The following CEP83 variants were observed in gnomAD, a reference collection of about 807,000 sequenced individuals.
CEP83 encodes the protein centrosomal protein of 83 kDa.
In CEP83, 70 loss-of-function variants were observed where a neutral mutation model predicts 101.9. That is an observed-to-expected ratio of 0.69 (90% CI 0.57 to 0.84). The LOEUF (loss-of-function observed/expected upper bound fraction) is 0.84, where lower values mean the gene tolerates loss of function less well. Ranked by LOEUF, CEP83 falls within the 40% of genes least tolerant of loss-of-function variation. CEP83 has a pLI of 0.00. For missense variants in CEP83, 715 were observed against 787.2 expected (o/e 0.91, Z 1.10); for synonymous variants, 264 against 267.9 (o/e 0.99, Z 0.14).
intron 16 of CEP83, 36 bp from the exon 17 acceptor site, chr12:94,308,953 C>CT: frequency 6.8e-7 from 1 of 1,481,244 alleles, no homozygotes; most frequent in Middle Eastern, 1.8e-4. Context: ...GCAAAAGAAA[C>CT]TATTAGAAAA....
chr12:94,359,378 C>T (rs910675500), intron 11 of CEP83, among the ~76,000 whole-genome samples: 8 of 152,146 alleles, frequency 5.3e-5, no homozygotes, highest in African/African-American at 1.9e-4. Context: ...ACAAAATTGA[C>T]AAAACATTAG....
chr12:94,279,897 C>T, the CEP83 span: 44 of 642,502 alleles, frequency 6.8e-5, no homozygotes, highest in Middle Eastern at 1.0e-3. Flanking sequence ...TTAAATATTA[C>T]GTCTGTAAAT....
In CEP83 at chr12:94,367,782, T is replaced by C. The variant is rs780635421; in HGVS notation, c.1343+12A>G. 2.0e-5 allele frequency: 32 copies of C among 1,566,946 alleles called. No individual in the cohort carries two copies. Among genetic ancestry groups the C allele is most frequent in the Non-Finnish European group, 2.3e-5 (27 of 1,162,428 alleles). ...CAACATGAAAAACTTTAAATATATA[T>C]GTATATATAACCTAACACTCTGAAG... On this transcript the variant is annotated intron_variant, in intron 11 of 16. Coordinates refer to ENST00000397809, the MANE Select transcript of CEP83 (RefSeq NM_016122.3).
At chr12:94,266,508 C>T in the CEP83 span, among the ~76,000 whole-genome samples, 420 of 152,314 alleles carry the variant, frequency 2.8e-3, 5 homozygotes, top group African/African-American at 9.7e-3. Flanking sequence ...CTGGAGTTTC[C>T]GATGCAGTAA....
chr12:94,445,292 C>CAA (rs34141696), intron 1 of CEP83, among the ~76,000 whole-genome samples: 1 of 151,746 alleles, frequency 6.6e-6, no homozygotes, highest in Non-Finnish European at 1.5e-5. Context: ...CACACACACA[C>CAA]AAAGAACTTC....
At chr12:94,400,703 G>A (rs180714991) in intron 6 of CEP83, 147 bp downstream of exon 6, 60 of 353,072 alleles carry the variant, frequency 1.7e-4, no homozygotes, top group Non-Finnish European at 2.5e-4. Context: ...CTGTTGATAC[G>A]AAGCTGATGA....
At chr12:94,309,350 A>G (rs1969476755) in intron 16 of CEP83, among the ~76,000 whole-genome samples, 2 of 152,212 alleles carry the variant, frequency 1.3e-5, no homozygotes. Flanking sequence ...CTGAAAAAGA[A>G]TCAATCTGAT....
the CEP83 span, among the ~76,000 whole-genome samples, chr12:94,270,842 C>T: frequency 1.3e-5 from 2 of 151,850 alleles, no homozygotes; most frequent in African/African-American, 2.4e-5. Flanking sequence ...GTAGCAGATC[C>T]CTTGATCCAG....
intron 11 of CEP83, among the ~76,000 whole-genome samples, chr12:94,365,769 GAA>G (rs766001301): frequency 2.1e-4 from 15 of 70,706 alleles, no homozygotes; most frequent in African/African-American, 4.0e-4. Flanking sequence ...GACTGTGTTT[GAA>G]AAAAAAAAAA....
At chr12:94,398,647 G>A (rs1015940937) in intron 6 of CEP83, among the ~76,000 whole-genome samples, 5 of 152,158 alleles carry the variant, frequency 3.3e-5, no homozygotes, top group African/African-American at 1.2e-4. Context: ...GCGATTTTCA[G>A]GGAACAAGGG....
chr12:94,424,480 G>A, intron 2 of CEP83: 3 of 1,613,980 alleles, frequency 1.9e-6, no homozygotes, highest in South Asian at 1.1e-5. Context: ...GGATACGGGT[G>A]GAGATAACCT....
chr12:94,282,187 T>G, the CEP83 span: 2 of 738,024 alleles, frequency 2.7e-6, no homozygotes, highest in African/African-American at 1.7e-5. Context: ...TCTCTACACC[T>G]TCAAACAAAG....
At chr12:94,412,681 TC>T in intron 2 of CEP83, 90 bp from the exon 3 acceptor site, 2 of 443,756 alleles carry the variant, frequency 4.5e-6, no homozygotes, top group East Asian at 4.2e-5. Flanking sequence ...CTTTTATTAT[TC>T]TTTTTTTTTT....
downstream of CEP83, chr12:94,305,931 T>C (rs947156550): frequency 6.6e-6 from 1 of 152,218 alleles, no homozygotes; most frequent in Non-Finnish European, 1.5e-5. Context: ...CAAACTCACC[T>C]CCATTTCACC....
chr12:94,279,920 A>G, the CEP83 span: 2 of 584,728 alleles, frequency 3.4e-6, no homozygotes. Flanking sequence ...GATTGATGAG[A>G]TTGCAGGCCC....
intron 1 of CEP83, among the ~76,000 whole-genome samples, chr12:94,459,012 A>C (rs2067929496): frequency 6.6e-6 from 1 of 152,230 alleles, no homozygotes; most frequent in African/African-American, 2.4e-5. Flanking sequence ...TATGAAGTAT[A>C]TATCATATAC....
intron 11 of CEP83, among the ~76,000 whole-genome samples, chr12:94,353,615 C>A (rs892561816): frequency 6.6e-6 from 1 of 151,816 alleles, no homozygotes; most frequent in African/African-American, 2.4e-5. Context: ...GATTACATCC[C>A]CCAATTAAGA....
chr12:94,309,938 G>A lies in CEP83; in HGVS notation c.1981C>T (p.Pro661Ser). 1 of 1,603,020 alleles carries A rather than the reference G, an allele frequency of 6.2e-7. No homozygotes were observed. Among genetic ancestry groups the A allele is most frequent in the South Asian group, 1.1e-5 (1 of 89,670 alleles). ...CATACCTGCATATGAGGAGGAAATG[G>A]TAGTTCCATGCTTGGAACCATGGCT... is the stretch of plus-strand genomic sequence containing the variant. ...SSAMVPSMEL[P>S]FPPHMQEEQH... Residue 661 changes from proline to serine, a missense_variant, in exon 16 of 17, where the codon CCA (proline) becomes TCA (serine). Pro to Ser is a moderately conservative substitution (Grantham distance 74, BLOSUM62 -1). Coordinates refer to ENST00000397809, the MANE Select transcript of CEP83 (RefSeq NM_016122.3).
At chr12:94,390,793 G>A (rs1233869786) in intron 6 of CEP83, among the ~76,000 whole-genome samples, 1 of 152,160 alleles carries the variant, frequency 6.6e-6, no homozygotes, top group East Asian at 1.9e-4. Context: ...ATGACCTGAT[G>A]GAGTGCAAAC....
Sources: gnomAD v4.1 joint callset for allele counts (sites outside exome capture counted in the v4.1 genomes callset) on GRCh38, gnomAD v4.1.1 for gene constraint, MANE v1.5 for transcripts, NCBI Gene and HGNC (gene_info 2026-07-23, HGNC 2026-07-21) for gene names.